The following CPNE4 variants were observed in gnomAD, a reference collection of about 807,000 sequenced individuals.
The protein encoded by CPNE4 is copine-4.
In CPNE4, 25 loss-of-function variants were observed where a neutral mutation model predicts 67.9. The ratio of observed to expected loss-of-function variants is 0.37; its 90% CI spans 0.27 to 0.51. CPNE4 has a LOEUF of 0.51. Among genes scored for constraint, CPNE4 ranks in the 20% least tolerant of loss-of-function variants. CPNE4 has a pLI of 0.93. For synonymous variants in CPNE4, 242 were observed against 244.9 expected (o/e 0.99, Z 0.11); for missense variants, 464 against 690.8 (o/e 0.67, Z 3.68).
At chr3:131,786,256 A>C (rs1913284) in intron 2 of CPNE4, among the ~76,000 whole-genome samples, 94,182 of 151,698 alleles carry the variant, frequency 0.62, 29,986 homozygotes, top group Admixed American at 0.71. Flanking sequence ...TACTTTATAC[A>C]TTTATGTTGT....
chr3:131,698,093 G>T (rs1480007946), intron 4 of CPNE4, among the ~76,000 whole-genome samples: 1 of 151,746 alleles, frequency 6.6e-6, no homozygotes, highest in East Asian at 1.9e-4. Flanking sequence ...AAATTAGACA[G>T]GTGTGGTGGT....
chr3:131,882,273 A>C (rs1371923242), intron 2 of CPNE4, among the ~76,000 whole-genome samples: 1 of 152,202 alleles, frequency 6.6e-6, no homozygotes, highest in Non-Finnish European at 1.5e-5. Flanking sequence ...AATAATTAAT[A>C]AACTTCTTAA....
intron 1 of CPNE4, among the ~76,000 whole-genome samples, chr3:131,910,915 G>A (rs552481849): frequency 4.5e-4 from 69 of 152,238 alleles, no homozygotes; most frequent in African/African-American, 1.6e-3. Context: ...CAATAGAGAT[G>A]ATTCTGTTTT....
intron 2 of CPNE4, among the ~76,000 whole-genome samples, chr3:131,884,028 C>T (rs1023863915): frequency 1.3e-5 from 2 of 152,180 alleles, no homozygotes; most frequent in African/African-American, 4.8e-5. Flanking sequence ...TCATTCACTA[C>T]CCCATTTCCT....
intron 2 of CPNE4, among the ~76,000 whole-genome samples, chr3:131,761,488 A>G (rs2107814287): frequency 6.6e-6 from 1 of 152,222 alleles, no homozygotes; most frequent in South Asian, 2.1e-4. Flanking sequence ...TGTTGTCTGG[A>G]ATGACAAATG....
At chr3:131,933,076 GTGAAGCT>G (rs1341867358) in intron 1 of CPNE4, among the ~76,000 whole-genome samples, 3 of 152,304 alleles carry the variant, frequency 2.0e-5, no homozygotes, top group South Asian at 4.1e-4. Context: ...CAGGAGGAAT[GTGAAGCT>G]TGAGAGGTAG....
intron 11 of CPNE4, among the ~76,000 whole-genome samples, chr3:131,556,433 G>A (rs933427253): frequency 2.6e-5 from 4 of 152,016 alleles, no homozygotes; most frequent in African/African-American, 9.7e-5. Flanking sequence ...ACAGAGCTTG[G>A]TTCCCTCTAC....
chr3:131,579,204 C>T (rs1278959365), intron 9 of CPNE4, among the ~76,000 whole-genome samples: 1 of 152,210 alleles, frequency 6.6e-6, no homozygotes, highest in Non-Finnish European at 1.5e-5. Flanking sequence ...GCTATATCTA[C>T]TCTGCCCATG....
chr3:131,983,042 A>G (rs1003243401), intron 1 of CPNE4, among the ~76,000 whole-genome samples: 5 of 152,094 alleles, frequency 3.3e-5, no homozygotes, highest in Non-Finnish European at 7.4e-5. Context: ...TATGTTACCA[A>G]AATTTTTGTC....
intron 1 of CPNE4, among the ~76,000 whole-genome samples, chr3:131,954,436 G>T (rs961250388): frequency 2.0e-5 from 3 of 152,118 alleles, no homozygotes; most frequent in African/African-American, 7.2e-5. Flanking sequence ...CTTAAATTCA[G>T]CCAGAGAGGA....
intron 2 of CPNE4, among the ~76,000 whole-genome samples, chr3:131,801,450 GTGTATATA>G (rs1371595089): frequency 3.8e-4 from 15 of 39,578 alleles, no homozygotes; most frequent in African/African-American, 1.2e-3. Flanking sequence ...GTGTGTGTGT[GTGTATATA>G]TATATATATA....
intron 2 of CPNE4, among the ~76,000 whole-genome samples, chr3:131,863,398 ATT>A (rs2086782996): frequency 6.6e-6 from 1 of 152,206 alleles, no homozygotes; most frequent in Non-Finnish European, 1.5e-5. Context: ...AATGATCGCC[ATT>A]CTAACTGGTA....
intron 3 of CPNE4, among the ~76,000 whole-genome samples, chr3:131,716,371 C>G (rs1427687900): frequency 1.3e-5 from 2 of 151,858 alleles, no homozygotes; most frequent in Non-Finnish European, 2.9e-5. Flanking sequence ...AATAATTGCC[C>G]CAAATTATTT....
chr3:131,885,138 T>C (rs2087828488), intron 2 of CPNE4, among the ~76,000 whole-genome samples: 1 of 152,084 alleles, frequency 6.6e-6, no homozygotes, highest in East Asian at 1.9e-4. Context: ...TTGACAAAAA[T>C]GCTGATAGTG....
At chr3:131,708,963 T>G (rs1350979010) in intron 3 of CPNE4, among the ~76,000 whole-genome samples, 1 of 72,286 alleles carries the variant, frequency 1.4e-5, no homozygotes, top group Non-Finnish European at 2.6e-5. Context: ...TAAAGATATA[T>G]ATATATATAT....
intron 2 of CPNE4, among the ~76,000 whole-genome samples, chr3:131,782,456 C>T (rs1322379177): frequency 6.7e-6 from 1 of 150,180 alleles, no homozygotes; most frequent in Non-Finnish European, 1.5e-5. Context: ...TTTATTTCAT[C>T]GATTTAAAGT....
intron 2 of CPNE4, among the ~76,000 whole-genome samples, chr3:131,899,462 A>G (rs541199503): frequency 1.3e-4 from 20 of 152,214 alleles, no homozygotes; most frequent in African/African-American, 4.1e-4. Flanking sequence ...AAACCAGACA[A>G]AATATGTCTG....
At chr3:131,743,809 A>C (rs1006446714) in intron 2 of CPNE4, among the ~76,000 whole-genome samples, 2 of 151,660 alleles carry the variant, frequency 1.3e-5, no homozygotes, top group Non-Finnish European at 1.5e-5. Context: ...TAAAAATACA[A>C]AAAATTAGCC....
intron 2 of CPNE4, among the ~76,000 whole-genome samples, chr3:131,763,124 A>G (rs1169460480): frequency 6.6e-6 from 1 of 152,108 alleles, no homozygotes; most frequent in Non-Finnish European, 1.5e-5. Context: ...GAGTTGATGC[A>G]GGTGTCTTTA....
Sources: allele counts gnomAD v4.1 joint callset (sites outside exome capture counted in the v4.1 genomes callset), GRCh38; gene constraint gnomAD v4.1.1; transcripts MANE v1.5; gene names NCBI Gene and HGNC (gene_info 2026-07-23, HGNC 2026-07-21).